The following DOCK7 variants were observed in gnomAD, a reference collection of about 807,000 sequenced individuals.
DOCK7 encodes the protein dedicator of cytokinesis 7, also known as dedicator of cytokinesis protein 7.
A neutral mutation model predicts 271.0 loss-of-function variants in DOCK7; 138 were observed. That is an observed-to-expected ratio of 0.51 (90% CI 0.44 to 0.59). DOCK7 has a LOEUF of 0.59. DOCK7 is among the 20% of genes least tolerant of loss of function. DOCK7 has a pLI of 0.00. For missense variants in DOCK7, 2,066 were observed against 2,592.4 expected (o/e 0.80, Z 4.41); for synonymous variants, 823 against 876.1 (o/e 0.94, Z 1.07).
intron 16 of DOCK7, among the ~76,000 whole-genome samples, chr1:62,579,194 T>G (rs1439582658): frequency 2.0e-5 from 3 of 152,144 alleles, no homozygotes; most frequent in Admixed American, 1.3e-4. Context: ...ATGGGCTGAG[T>G]AATCCTACTA....
Position 62,648,217 on chromosome 1 carries a change from A to G in DOCK7, c.621T>C (p.Leu207=), listed in dbSNP as rs1305520850. ...TTGGAGTTCGATCAAGTAAATTGGG[A>G]AGCAAAGCATCAGGAAGTGAATTTT... ...DLKNSLPDAL[L]PNLLDRTPNE... is the part of the protein sequence containing the mutation. The change falls in exon 6 of 50, where the codon CTT becomes CTC. Residue 207 remains leucine, a synonymous_variant. Coordinates refer to ENST00000635253, the MANE Select transcript of DOCK7 (RefSeq NM_001367561.1). 6.2e-7 allele frequency: 1 copy of G among 1,613,582 alleles called. No individual in the cohort carries two copies. Among genetic ancestry groups the G allele is most frequent in the Non-Finnish European group, 8.5e-7 (1 of 1,179,776 alleles).
intron 12 of DOCK7, among the ~76,000 whole-genome samples, chr1:62,620,760 T>C (rs1470600246): frequency 6.6e-6 from 1 of 151,390 alleles, no homozygotes; most frequent in Non-Finnish European, 1.5e-5. Flanking sequence ...GGCAGGCGCC[T>C]GCAGTCCCAG....
chr1:62,566,343 A>T, intron 18 of DOCK7, among the ~76,000 whole-genome samples: 1 of 152,226 alleles, frequency 6.6e-6, no homozygotes, highest in East Asian at 1.9e-4. Flanking sequence ...TGGTACCAAA[A>T]CAGATATATA....
At chr1:62,680,517 CA>C (rs1305026141) in intron 1 of DOCK7, among the ~76,000 whole-genome samples, 6 of 151,536 alleles carry the variant, frequency 4.0e-5, no homozygotes, top group Non-Finnish European at 5.9e-5. Context: ...GCAATGGCAA[CA>C]AAAGCCAAAA....
At chr1:62,650,096 C>G (rs1453195549) in intron 4 of DOCK7, among the ~76,000 whole-genome samples, 1 of 152,078 alleles carries the variant, frequency 6.6e-6, no homozygotes, top group African/African-American at 2.4e-5. Context: ...AAATAGAAAC[C>G]AAAATAAATA....
At chr1:62,574,390 A>T (rs1646878887) in intron 18 of DOCK7, among the ~76,000 whole-genome samples, 1 of 152,216 alleles carries the variant, frequency 6.6e-6, no homozygotes, top group Admixed American at 6.5e-5. Flanking sequence ...TGACAGAGCC[A>T]ATCAAGAAAA....
chr1:62,573,166 T>C (rs1646839420), intron 18 of DOCK7, among the ~76,000 whole-genome samples: 2 of 152,284 alleles, frequency 1.3e-5, no homozygotes, highest in South Asian at 4.1e-4. Context: ...CTGCTGTGTC[T>C]ACAATTTTAA....
At position 62,625,309 on chromosome 1, in the gene DOCK7, A is replaced by C; in HGVS notation, c.1375T>G (p.Leu459Val). 6.2e-7 allele frequency: 1 copy of C among 1,614,052 alleles called. No individual in the cohort carries two copies. The highest frequency in any genetic ancestry group is 2.2e-5 in the East Asian group (1 of 44,848). Reference protein sequence around the residue: ...RTTSGDDACNLTSFRPATLTV... With the variant: ...RTTSGDDACNVTSFRPATLTV... Reference sequence around the variant, plus strand: ...AGAGTAGCTGGTCGAAAGCTCGTCAAGTTACAAGCATCATCTCCACTTGTT... The same window carrying C: ...AGAGTAGCTGGTCGAAAGCTCGTCACGTTACAAGCATCATCTCCACTTGTT... Residue 459 changes from leucine (L) to valine (V), a missense_variant, in exon 12 of 50, where the codon TTG (leucine) becomes GTG (valine). By Grantham distance (32) the Leu-to-Val change is conservative (BLOSUM62 1). Transcript: ENST00000635253.
At chr1:62,509,613 C>T (rs911835080) in intron 34 of DOCK7, among the ~76,000 whole-genome samples, 4 of 151,958 alleles carry the variant, frequency 2.6e-5, no homozygotes, top group Middle Eastern at 3.4e-3. Flanking sequence ...TTTGGACAGA[C>T]GGAGAAAAAG....
At chr1:62,499,893 A>C (rs1272989143) in intron 37 of DOCK7, among the ~76,000 whole-genome samples, 2 of 151,342 alleles carry the variant, frequency 1.3e-5, no homozygotes, top group African/African-American at 2.4e-5. Flanking sequence ...AAAATAAATA[A>C]ATAAATACAC....
chr1:62,611,887 G>A (rs182417314), intron 14 of DOCK7, among the ~76,000 whole-genome samples: 1 of 151,904 alleles, frequency 6.6e-6, no homozygotes, highest in Admixed American at 6.6e-5. Flanking sequence ...GTTCATGCCT[G>A]TAATCCCAGC....
At chr1:62,523,272 T>C (rs1198711018) in intron 31 of DOCK7, among the ~76,000 whole-genome samples, 2 of 152,156 alleles carry the variant, frequency 1.3e-5, no homozygotes, top group Non-Finnish European at 2.9e-5. Flanking sequence ...CTCTACATGG[T>C]AGACCATATA....
At chr1:62,588,388 A>G (rs1557762611) in intron 14 of DOCK7, among the ~76,000 whole-genome samples, 2 of 152,168 alleles carry the variant, frequency 1.3e-5, no homozygotes, top group African/African-American at 2.4e-5. Context: ...CTATAGGAGG[A>G]AAAAATAGGT....
chr1:62,577,376 A>C lies in DOCK7; in HGVS notation c.2011-13T>G. The C allele has an allele frequency of 1.3e-6, 2 of 1,540,872 alleles. No individual in the cohort carries two copies. The highest frequency in any genetic ancestry group is 3.5e-4 in the Middle Eastern group (2 of 5,782). Reference sequence around the variant, plus strand: ...GCATTGGTATCCACTTTTAAATGAAAAGAAAACAATTTTATTTTAAATATG... The same window carrying C: ...GCATTGGTATCCACTTTTAAATGAACAGAAAACAATTTTATTTTAAATATG... On this transcript the variant is annotated splice_polypyrimidine_tract_variant and intron_variant, in intron 17 of 49. Transcript: ENST00000635253.
At chr1:62,471,855 A>G (rs1011196004) in intron 48 of DOCK7, among the ~76,000 whole-genome samples, 1 of 151,256 alleles carries the variant, frequency 6.6e-6, no homozygotes, top group Non-Finnish European at 1.5e-5. Flanking sequence ...ATTTAAGATT[A>G]TAAGTATATT....
chr1:62,484,497 A>T (rs1646235076), intron 43 of DOCK7: 1 of 152,106 alleles, frequency 6.6e-6, no homozygotes, highest in African/African-American at 2.4e-5. Context: ...TTCTTTTTTA[A>T]CCCTGACCCT....
At chr1:62,680,112 G>A (rs988074383) in intron 1 of DOCK7, among the ~76,000 whole-genome samples, 10 of 152,134 alleles carry the variant, frequency 6.6e-5, no homozygotes, top group Non-Finnish European at 1.0e-4. Flanking sequence ...AAAGCTGGAG[G>A]CATCATGCTA....
At chr1:62,496,298 A>G in intron 38 of DOCK7, 41 bp downstream of exon 38, 1 of 1,593,840 alleles carries the variant, frequency 6.3e-7, no homozygotes, top group Non-Finnish European at 8.5e-7. Context: ...CTATTTAACA[A>G]GCCTATTTCA....
intron 34 of DOCK7, 88 bp from the exon 35 acceptor site, chr1:62,508,146 T>G: frequency 8.4e-7 from 1 of 1,190,416 alleles, no homozygotes; most frequent in Non-Finnish European, 1.1e-6. Context: ...AATAAAAAAT[T>G]TCAAACCATT....
Sources: gnomAD v4.1 joint callset for allele counts (sites outside exome capture counted in the v4.1 genomes callset) on GRCh38, gnomAD v4.1.1 for gene constraint, MANE v1.5 for transcripts, NCBI Gene and HGNC (gene_info 2026-07-23, HGNC 2026-07-21) for gene names.